SPMAP2L: variants seen among roughly 807,000 people sequenced by gnomAD.
SPMAP2L encodes sperm microtubule associated protein 2 like.
At chr4:56,609,050 C>CTTTT in the SPMAP2L span, among the ~76,000 whole-genome samples, 40 of 115,586 alleles carry the variant, frequency 3.5e-4, no homozygotes, top group Non-Finnish European at 5.5e-4. Context: ...TTCTTTCTTT[C>CTTTT]TTTTTTTTTT....
chr4:56,592,703 GTCGGGGGCGGCCGCCGCCTGGCTGGGGGA>G, the SPMAP2L span, among the ~76,000 whole-genome samples: 1 of 152,030 alleles, frequency 6.6e-6, no homozygotes, highest in Non-Finnish European at 1.5e-5. Flanking sequence ...GGGCCGCGGG[GTCGGGGGCGGCCGCCGCCTGGCTGGGGGA>G]TCGGGGCTGT....
chr4:56,595,413 C>A, the SPMAP2L span: 1 of 1,605,750 alleles, frequency 6.2e-7, no homozygotes, highest in South Asian at 1.1e-5. Context: ...TGGACAGATT[C>A]TGTGATGCCA....
the SPMAP2L span, among the ~76,000 whole-genome samples, chr4:56,558,681 A>T: frequency 8.0e-3 from 1,213 of 152,060 alleles, 18 homozygotes; most frequent in African/African-American, 0.028. Context: ...ACCTCTCTCC[A>T]TCTGAGCTGT....
At chr4:56,580,989 T>A in the SPMAP2L span, among the ~76,000 whole-genome samples, 9 of 152,244 alleles carry the variant, frequency 5.9e-5, no homozygotes, top group East Asian at 1.7e-3. Flanking sequence ...GACACTATGC[T>A]GAGTTTAATA....
the SPMAP2L span, among the ~76,000 whole-genome samples, chr4:56,625,382 G>T: frequency 3.3e-5 from 5 of 152,126 alleles, no homozygotes; most frequent in Non-Finnish European, 7.3e-5. Flanking sequence ...AAGACTTTGG[G>T]GGACTGTTGG....
chr4:56,530,686 C>G, the SPMAP2L span: 1 of 1,534,536 alleles, frequency 6.5e-7, no homozygotes, highest in Non-Finnish European at 8.7e-7. Context: ...AATGGAGAAC[C>G]AAGAGTTTCT....
chr4:56,626,022 C>T, the SPMAP2L span, among the ~76,000 whole-genome samples: 225 of 152,238 alleles, frequency 1.5e-3, no homozygotes, highest in Admixed American at 4.4e-3. Flanking sequence ...CCTTCCCAGC[C>T]GATGCCAACC....
At chr4:56,565,254 A>T in the SPMAP2L span, among the ~76,000 whole-genome samples, 2 of 152,208 alleles carry the variant, frequency 1.3e-5, no homozygotes, top group African/African-American at 2.4e-5. Context: ...ATCAGTTATT[A>T]TGATGGCATA....
chr4:56,575,397 A>G, the SPMAP2L span: 1 of 1,255,462 alleles, frequency 8.0e-7, no homozygotes, highest in Non-Finnish European at 1.1e-6. Context: ...ATCAATAATA[A>G]ACTGTCATAC....
chr4:56,622,669 G>A, the SPMAP2L span, among the ~76,000 whole-genome samples: 6 of 152,110 alleles, frequency 3.9e-5, no homozygotes, highest in African/African-American at 1.4e-4. Context: ...TCTCTGTGGT[G>A]GGAGTTTGGC....
At chr4:56,533,154 A>G in the SPMAP2L span, among the ~76,000 whole-genome samples, 2 of 152,294 alleles carry the variant, frequency 1.3e-5, no homozygotes, top group Non-Finnish European at 2.9e-5. Flanking sequence ...TGCACTTGGA[A>G]TAACAGATAA....
At chr4:56,591,988 C>A in the SPMAP2L span, among the ~76,000 whole-genome samples, 2 of 152,174 alleles carry the variant, frequency 1.3e-5, no homozygotes, top group African/African-American at 2.4e-5. Context: ...GGATCCCCAA[C>A]CCCTAGGCTG....
At chr4:56,590,786 A>G in the SPMAP2L span, among the ~76,000 whole-genome samples, 150 of 152,340 alleles carry the variant, frequency 9.8e-4, 6 homozygotes, top group East Asian at 0.026. Flanking sequence ...ATAAGCCTTA[A>G]TTGAAAGCAA....
chr4:56,618,031 C>T, the SPMAP2L span, among the ~76,000 whole-genome samples: 1 of 152,138 alleles, frequency 6.6e-6, no homozygotes, highest in Non-Finnish European at 1.5e-5. Context: ...TGTGTCTCTG[C>T]CTTGCTAGGG....
the SPMAP2L span, among the ~76,000 whole-genome samples, chr4:56,587,037 TA>T: frequency 6.6e-6 from 1 of 152,220 alleles, no homozygotes; most frequent in Non-Finnish European, 1.5e-5. Context: ...TTTTCAAATT[TA>T]AAAGTTGATT....
At chr4:56,594,798 G>A in the SPMAP2L span, 7 of 1,535,684 alleles carry the variant, frequency 4.6e-6, no homozygotes, top group Non-Finnish European at 5.4e-6. Flanking sequence ...AGTGACGTGT[G>A]TGACCTCATC....
the SPMAP2L span, chr4:56,594,008 G>C: frequency 6.2e-7 from 1 of 1,611,350 alleles, no homozygotes; most frequent in South Asian, 1.1e-5. Context: ...GGAGGTCTTG[G>C]GCAGGGCCGC....
the SPMAP2L span, among the ~76,000 whole-genome samples, chr4:56,553,889 C>T: frequency 0.021 from 3,143 of 152,200 alleles, 113 homozygotes; most frequent in African/African-American, 0.066. Flanking sequence ...TATTTACTGT[C>T]TCTATAGTTT....
At chr4:56,613,082 C>A in the SPMAP2L span, among the ~76,000 whole-genome samples, 2 of 152,272 alleles carry the variant, frequency 1.3e-5, no homozygotes, top group South Asian at 4.1e-4. Flanking sequence ...TATAACTCTT[C>A]CCCTTCTTCC....
Sources: allele counts gnomAD v4.1 joint callset (sites outside exome capture counted in the v4.1 genomes callset), GRCh38; gene constraint gnomAD v4.1.1; transcripts MANE v1.5; gene names NCBI Gene and HGNC (gene_info 2026-07-23, HGNC 2026-07-21).